The following RBMS3 variants were observed in gnomAD, a reference collection of about 807,000 sequenced individuals.
RBMS3 encodes the protein RNA binding motif single stranded interacting protein 3.
Under a neutral mutation model 66.8 loss-of-function variants are expected in RBMS3, and 27 were observed. The observed-to-expected ratio is 0.40, with a 90% CI of 0.30 to 0.56. The LOEUF is 0.56. Ranked by LOEUF, RBMS3 falls within the 20% of genes least tolerant of loss-of-function variation. RBMS3 has a pLI of 0.40. For missense variants in RBMS3, 513 were observed against 549.5 expected (o/e 0.93, Z 0.66); for synonymous variants, 188 against 183.0 (o/e 1.03, Z -0.22).
At chr3:29,425,071 C>T (rs929386558) in intron 1 of RBMS3, among the ~76,000 whole-genome samples, 7 of 151,364 alleles carry the variant, frequency 4.6e-5, no homozygotes, top group East Asian at 2.0e-4. Flanking sequence ...AGGCCAAGCG[C>T]GGTGTCTCAT....
chr3:29,785,321 A>G (rs2056781931), intron 6 of RBMS3, among the ~76,000 whole-genome samples: 1 of 152,152 alleles, frequency 6.6e-6, no homozygotes, highest in East Asian at 1.9e-4. Flanking sequence ...ATCCACCATT[A>G]TCAAGTGGGT....
At chr3:29,740,244 C>G (rs2054577546) in intron 5 of RBMS3, among the ~76,000 whole-genome samples, 1 of 151,944 alleles carries the variant, frequency 6.6e-6, no homozygotes, top group Non-Finnish European at 1.5e-5. Flanking sequence ...ATGTGGTGAA[C>G]AAAGCATCTA....
At chr3:29,876,706 A>C (rs2059617345) in intron 7 of RBMS3, among the ~76,000 whole-genome samples, 2 of 152,152 alleles carry the variant, frequency 1.3e-5, no homozygotes, top group South Asian at 4.1e-4. Context: ...AATAGAATAG[A>C]AATATTCCCA....
chr3:29,705,483 T>C (rs2052842773), intron 4 of RBMS3, among the ~76,000 whole-genome samples: 1 of 152,238 alleles, frequency 6.6e-6, no homozygotes, highest in African/African-American at 2.4e-5. Flanking sequence ...AGTACTGTAC[T>C]TAGGCACAGC....
chr3:29,801,779 A>G (rs1459186515), intron 6 of RBMS3, among the ~76,000 whole-genome samples: 1 of 152,164 alleles, frequency 6.6e-6, no homozygotes, highest in Non-Finnish European at 1.5e-5. Context: ...CTTACAAAGC[A>G]TAAGTGGGAA....
intron 1 of RBMS3, among the ~76,000 whole-genome samples, chr3:29,303,668 T>C (rs1308763889): frequency 6.6e-6 from 1 of 151,980 alleles, no homozygotes; most frequent in Non-Finnish European, 1.5e-5. Context: ...ATCAAATAAG[T>C]TAAATGGATT....
chr3:29,625,419 C>T (rs1317925891), intron 4 of RBMS3, among the ~76,000 whole-genome samples: 1 of 152,054 alleles, frequency 6.6e-6, no homozygotes, highest in Non-Finnish European at 1.5e-5. Context: ...TCTTGCCAGG[C>T]ACAGTGGATC....
At chr3:29,897,525 C>T (rs186505428) in intron 9 of RBMS3, 50 bp downstream of exon 9, 51 of 1,538,912 alleles carry the variant, frequency 3.3e-5, no homozygotes, top group Admixed American at 1.7e-4. Flanking sequence ...TGCAGTAATA[C>T]AGTATTTAGA....
intron 2 of RBMS3, among the ~76,000 whole-genome samples, chr3:29,471,083 A>T (rs2042709916): frequency 6.6e-6 from 1 of 152,208 alleles, no homozygotes; most frequent in African/African-American, 2.4e-5. Context: ...GCCAGATACA[A>T]AATAATTTAT....
At chr3:29,491,790 G>A (rs535699378) in intron 3 of RBMS3, among the ~76,000 whole-genome samples, 141 of 152,262 alleles carry the variant, frequency 9.3e-4, no homozygotes, top group African/African-American at 3.2e-3. Flanking sequence ...TCAGGAGATC[G>A]AGACCATCCT....
At chr3:29,915,538 C>A (rs760061897) in intron 10 of RBMS3, among the ~76,000 whole-genome samples, 1 of 151,654 alleles carries the variant, frequency 6.6e-6, no homozygotes, top group Non-Finnish European at 1.5e-5. Context: ...TCTTAAGAAT[C>A]CGTAACAGTA....
chr3:29,739,474 A>AG, intron 4 of RBMS3, among the ~76,000 whole-genome samples: 1 of 151,034 alleles, frequency 6.6e-6, no homozygotes, highest in East Asian at 1.9e-4. Flanking sequence ...AAAAAAAAAA[A>AG]AAGAAAAGTT....
intron 1 of RBMS3, among the ~76,000 whole-genome samples, chr3:29,420,947 G>GCAA (rs777463375): frequency 0.26 from 32,305 of 125,234 alleles, 4,061 homozygotes; most frequent in South Asian, 0.42. Flanking sequence ...TACTAAAAAT[G>GCAA]AAAAAAAAAA....
intron 10 of RBMS3, among the ~76,000 whole-genome samples, chr3:29,907,509 T>C (rs2060409874): frequency 6.6e-6 from 1 of 152,050 alleles, no homozygotes; most frequent in African/African-American, 2.4e-5. Flanking sequence ...TTTTGCCAAT[T>C]TTATTGTATT....
chr3:29,297,583 C>A (rs1191857845), intron 1 of RBMS3, among the ~76,000 whole-genome samples: 1 of 151,802 alleles, frequency 6.6e-6, no homozygotes, highest in Non-Finnish European at 1.5e-5. Context: ...CATGAATTTT[C>A]TTTATTGTTA....
chr3:29,786,205 A>T (rs1478836036), intron 6 of RBMS3, among the ~76,000 whole-genome samples: 1 of 152,140 alleles, frequency 6.6e-6, no homozygotes, highest in Non-Finnish European at 1.5e-5. Context: ...AAACAAATGG[A>T]AATACATCCC....
chr3:29,570,442 C>T (rs768454720), intron 3 of RBMS3, among the ~76,000 whole-genome samples: 1 of 151,696 alleles, frequency 6.6e-6, no homozygotes, highest in Non-Finnish European at 1.5e-5. Flanking sequence ...TTTTTTGTAC[C>T]CTTCAACCAT....
chr3:29,847,860 G>A (rs1348867486), intron 6 of RBMS3, among the ~76,000 whole-genome samples: 1 of 152,084 alleles, frequency 6.6e-6, no homozygotes, highest in Admixed American at 6.5e-5. Context: ...GTGTCACCGT[G>A]TTAACCAGGA....
chr3:29,369,487 AACACACACACACACACAC>A (rs59274434), intron 1 of RBMS3, among the ~76,000 whole-genome samples: 27 of 135,356 alleles, frequency 2.0e-4, no homozygotes, highest in South Asian at 1.4e-3. Flanking sequence ...ATCACTCCTT[AACACACACACACACACAC>A]ACACACACAC....
Sources: gnomAD v4.1 joint callset for allele counts (sites outside exome capture counted in the v4.1 genomes callset) on GRCh38, gnomAD v4.1.1 for gene constraint, MANE v1.5 for transcripts, NCBI Gene and HGNC (gene_info 2026-07-23, HGNC 2026-07-21) for gene names.